Variants in MED30 observed in about 807,000 individuals in gnomAD.
MED30 encodes mediator of RNA polymerase II transcription subunit 30.
A neutral mutation model predicts 21.7 loss-of-function variants in MED30; 8 were observed. The ratio of observed to expected loss-of-function variants is 0.37; its 90% CI spans 0.22 to 0.67. The LOEUF (loss-of-function observed/expected upper bound fraction) is 0.67, where lower values mean the gene tolerates loss of function less well. MED30 is among the 30% of genes least tolerant of loss of function. The pLI, the probability that MED30 is intolerant of heterozygous loss-of-function variation, is 0.58. For synonymous variants in MED30, 79 were observed against 86.7 expected (o/e 0.91, Z 0.49); for missense variants, 203 against 228.2 (o/e 0.89, Z 0.71).
At chr8:117,526,742 C>T (rs567231513) in intron 1 of MED30, among the ~76,000 whole-genome samples, 6 of 152,028 alleles carry the variant, frequency 3.9e-5, no homozygotes, top group African/African-American at 1.4e-4. Flanking sequence ...ACACATGAAA[C>T]GTGTGTGGTA....
chr8:117,539,482 T>A (rs923107690), intron 3 of MED30, among the ~76,000 whole-genome samples: 8 of 151,724 alleles, frequency 5.3e-5, no homozygotes, highest in Non-Finnish European at 5.9e-5. Flanking sequence ...AAAAAAAAAA[T>A]TCGTAGTGAA....
chr8:117,535,326 T>C (rs1001891338), intron 3 of MED30, among the ~76,000 whole-genome samples: 3 of 150,956 alleles, frequency 2.0e-5, no homozygotes, highest in African/African-American at 7.3e-5. Context: ...CTCACTGGGT[T>C]CAAGCAATTC....
chr8:117,520,744 C>G lies in MED30; in HGVS notation c.-133C>G. On this transcript the variant is annotated 5_prime_UTR_variant, in exon 1 of 4. Transcript: ENST00000297347. ...CGTCACAGTGGGCGGAAGTCGCGGCCGCTGTTTTGAAATCGGGCCGCGGGG... is the reference window on the plus strand; with the variant it reads ...CGTCACAGTGGGCGGAAGTCGCGGCGGCTGTTTTGAAATCGGGCCGCGGGG... The G allele has an allele frequency of 2.3e-6, 2 of 878,170 alleles. No homozygotes were observed. The highest frequency in any genetic ancestry group is 3.3e-6 in the Non-Finnish European group (2 of 599,784). The allele number at this position is 878,170 out of a possible 1,614,324, so 54.4% of individuals were successfully genotyped here.
chr8:117,527,948 T>C (rs188943926), intron 1 of MED30, among the ~76,000 whole-genome samples: 6 of 151,926 alleles, frequency 3.9e-5, no homozygotes, highest in African/African-American at 1.4e-4. Flanking sequence ...GATTTTTGTT[T>C]ACCTGTCATT....
intron 3 of MED30, among the ~76,000 whole-genome samples, chr8:117,533,315 A>G (rs1203039801): frequency 6.6e-6 from 1 of 152,126 alleles, no homozygotes; most frequent in African/African-American, 2.4e-5. Context: ...AAATCTTACT[A>G]TCTACTGACA....
At chr8:117,524,336 G>A (rs568139937) in intron 1 of MED30, among the ~76,000 whole-genome samples, 6 of 152,218 alleles carry the variant, frequency 3.9e-5, no homozygotes, top group East Asian at 1.9e-4. Flanking sequence ...ATTGATCTAC[G>A]AGAGTAAAGT....
chr8:117,538,935 G>T (rs1382174889), intron 3 of MED30, among the ~76,000 whole-genome samples: 1 of 152,186 alleles, frequency 6.6e-6, no homozygotes, highest in Non-Finnish European at 1.5e-5. Context: ...AGTGATTTCT[G>T]CCGCACTTTT....
intron 1 of MED30, among the ~76,000 whole-genome samples, chr8:117,525,319 C>T (rs1818702003): frequency 6.8e-6 from 1 of 148,128 alleles, no homozygotes; most frequent in South Asian, 2.1e-4. Flanking sequence ...TGCTTGTTCA[C>T]TTATTATTCA....
intron 3 of MED30, among the ~76,000 whole-genome samples, chr8:117,537,769 G>A (rs1457727481): frequency 6.6e-6 from 1 of 152,098 alleles, no homozygotes; most frequent in African/African-American, 2.4e-5. Context: ...GCCCTGAGTT[G>A]ATACTGATTA....
intron 3 of MED30, among the ~76,000 whole-genome samples, chr8:117,532,561 C>T (rs1017019512): frequency 8.6e-5 from 13 of 151,440 alleles, no homozygotes; most frequent in African/African-American, 2.2e-4. Flanking sequence ...ACTTTGGGGG[C>T]GAAATTAAGC....
At chr8:117,535,504 G>A (rs1041567898) in intron 3 of MED30, among the ~76,000 whole-genome samples, 21 of 151,724 alleles carry the variant, frequency 1.4e-4, no homozygotes, top group African/African-American at 4.8e-4. Flanking sequence ...CTGGGATTAC[G>A]GGCGTGAGCT....
chr8:117,523,461 C>T (rs1818664507), intron 1 of MED30: 4 of 1,580,412 alleles, frequency 2.5e-6, no homozygotes, highest in Non-Finnish European at 3.5e-6. Flanking sequence ...GCCTGCCAGT[C>T]TCTGGACGGC....
Position 117,521,062 on chromosome 8 carries a change from G to A in MED30, c.177+9G>A, listed in dbSNP as rs2130806589. ...TCCTGAGGAACATGCAGGTAGGAAG[G>A]CGGGCGCGCGAGGCCAGGGGGATGC... On this transcript the variant is annotated intron_variant, in intron 1 of 3. Transcript: ENST00000297347. 1 of 1,577,052 alleles carries A rather than the reference G, an allele frequency of 6.3e-7. No homozygotes were observed. The highest frequency in any genetic ancestry group is 1.4e-5 in the African/African-American group (1 of 73,266).
At chr8:117,528,916 C>A in intron 2 of MED30, 107 bp downstream of exon 2, 1 of 922,254 alleles carries the variant, frequency 1.1e-6, no homozygotes, top group Non-Finnish European at 1.5e-6. Flanking sequence ...TTCCAGGTTT[C>A]GAATTTTATT....
intron 2 of MED30, 139 bp downstream of exon 2, chr8:117,528,948 A>C (rs1818759767): frequency 5.1e-6 from 3 of 594,020 alleles, no homozygotes; most frequent in Admixed American, 3.2e-5. Flanking sequence ...TGACCAGAGA[A>C]GATGAAAATG....
At chr8:117,524,715 C>G (rs1403127151) in intron 1 of MED30, among the ~76,000 whole-genome samples, 1 of 152,202 alleles carries the variant, frequency 6.6e-6, no homozygotes, top group African/African-American at 2.4e-5. Context: ...CCTAACTCCT[C>G]TCCACAGGCA....
chr8:117,535,508 G>A (rs559954369), intron 3 of MED30, among the ~76,000 whole-genome samples: 2 of 151,696 alleles, frequency 1.3e-5, no homozygotes, highest in East Asian at 1.9e-4. Flanking sequence ...GATTACGGGC[G>A]TGAGCTACTG....
chr8:117,530,936 G>T, intron 3 of MED30, 109 bp downstream of exon 3: 1 of 774,416 alleles, frequency 1.3e-6, no homozygotes. Context: ...ACATGAAGTT[G>T]TTTCTGCGGC....
chr8:117,525,647 T>C (rs1818707849), intron 1 of MED30, among the ~76,000 whole-genome samples: 1 of 152,140 alleles, frequency 6.6e-6, no homozygotes, highest in Non-Finnish European at 1.5e-5. Context: ...GAATTTATCC[T>C]ATAAAATGTG....
Sources: gnomAD v4.1 joint callset for allele counts (sites outside exome capture counted in the v4.1 genomes callset) on GRCh38, gnomAD v4.1.1 for gene constraint, MANE v1.5 for transcripts, NCBI Gene and HGNC (gene_info 2026-07-23, HGNC 2026-07-21) for gene names.